The following LRSAM1 variants were observed in gnomAD, a reference collection of about 807,000 sequenced individuals.
LRSAM1 encodes the protein leucine rich repeat and sterile alpha motif containing 1.
A neutral mutation model predicts 118.1 loss-of-function variants in LRSAM1; 96 were observed. The ratio of observed to expected loss-of-function variants is 0.81; its 90% CI spans 0.69 to 0.96. The LOEUF is 0.96. LRSAM1 is among the 40% of genes least tolerant of loss of function. The pLI, the probability that LRSAM1 is intolerant of heterozygous loss-of-function variation, is 0.00. For synonymous variants in LRSAM1, 322 were observed against 364.2 expected, an observed-to-expected ratio of 0.88 and a Z score of 1.32; for missense variants, 804 against 915.5, an observed-to-expected ratio of 0.88 and a Z score of 1.57.
At chr9:127,464,153 A>G (rs1356677472) in intron 9 of LRSAM1, among the ~76,000 whole-genome samples, 1 of 152,162 alleles carries the variant, frequency 6.6e-6, no homozygotes, top group Non-Finnish European at 1.5e-5. Flanking sequence ...TCTGTGTCAG[A>G]GTGGGTGGGT....
At position 127,501,054 on chromosome 9, in the gene LRSAM1, C is replaced by T; in HGVS notation, c.1957C>T (p.Gln653Ter). The T allele has an allele frequency of 1.2e-6, 2 of 1,614,060 alleles. No homozygotes were observed. The highest frequency in any genetic ancestry group is 1.7e-6 in the Non-Finnish European group (2 of 1,180,028). ...TGAGGTCGTCACCCCTACGGCCCCC[C>T]AGGAGCCTCCTGAGTCTGTGAGGCC... Reference protein sequence around the residue: ...MGEVVTPTAPQEPPESVRPSA... With the variant: ...MGEVVTPTAP Residue 653 changes from glutamine (Q) to a stop codon, truncating the protein, a stop_gained, in exon 25 of 26, where the codon CAG becomes TAG. Transcript: ENST00000300417. LOFTEE classifies it high-confidence loss of function.
At position 127,495,971 on chromosome 9, in the gene LRSAM1, G is replaced by A. The variant is rs1382849517; in HGVS notation, c.1706G>A (p.Gly569Glu). The A allele has an allele frequency of 6.2e-7, 1 of 1,612,844 alleles. No homozygotes were observed. The highest frequency in any genetic ancestry group is 8.5e-7 in the Non-Finnish European group (1 of 1,179,954). The change falls in exon 23 of 26, where the codon GGG (glycine) becomes GAG (glutamate). Residue 569 changes from glycine (G) to glutamate (E), a missense_variant. Transcript: ENST00000300417. Reference sequence around the variant, plus strand: ...CACGTTTCTGTCTTGCAGGAAGAGGGGATGGAGCGCCAGCTGGTGGCCCTC... The same window carrying A: ...CACGTTTCTGTCTTGCAGGAAGAGGAGATGGAGCGCCAGCTGGTGGCCCTC... ...KPLSLKLQEE[G>E]MERQLVALLE...
chr9:127,502,066 T>C (rs1259879293), intron 25 of LRSAM1, among the ~76,000 whole-genome samples: 1 of 152,178 alleles, frequency 6.6e-6, no homozygotes, highest in African/African-American at 2.4e-5. Flanking sequence ...GTTGGGATTG[T>C]TTGTAGACTG....
intron 10 of LRSAM1, among the ~76,000 whole-genome samples, chr9:127,472,209 C>A (rs986595788): frequency 6.6e-6 from 1 of 151,882 alleles, no homozygotes; most frequent in Non-Finnish European, 1.5e-5. Flanking sequence ...ATCCACCCGC[C>A]TCAGCCTCCC....
At chr9:127,498,217 C>T (rs1247683423) in intron 24 of LRSAM1, among the ~76,000 whole-genome samples, 1 of 152,186 alleles carries the variant, frequency 6.6e-6, no homozygotes, top group Non-Finnish European at 1.5e-5. Flanking sequence ...GACTGCAGCC[C>T]CAGGATAGCT....
At chr9:127,455,144 CT>C in intron 4 of LRSAM1, 90 bp downstream of exon 4, 1 of 1,304,238 alleles carries the variant, frequency 7.7e-7, no homozygotes, top group Non-Finnish European at 1.1e-6. Context: ...TGGACTGGGG[CT>C]TTAGAAAGGC....
intron 5 of LRSAM1, among the ~76,000 whole-genome samples, chr9:127,456,039 G>A (rs548956595): frequency 2.6e-5 from 4 of 151,964 alleles, no homozygotes; most frequent in East Asian, 1.9e-4. Context: ...AGAAACTCAC[G>A]CCTTTTATTC....
intron 20 of LRSAM1, 135 bp from the exon 21 acceptor site, chr9:127,492,667 G>A (rs541604436): frequency 1.3e-6 from 1 of 784,496 alleles, no homozygotes; most frequent in Non-Finnish European, 2.2e-6. Context: ...TCTTAGCTTT[G>A]TCCCCCAACG....
At chr9:127,456,234 GTT>G (rs757438041) in intron 5 of LRSAM1, among the ~76,000 whole-genome samples, 7 of 132,266 alleles carry the variant, frequency 5.3e-5, no homozygotes, top group Admixed American at 7.6e-5. Flanking sequence ...AGTTTTGTTT[GTT>G]TTTTTTTTTT....
intron 14 of LRSAM1, among the ~76,000 whole-genome samples, 174 bp downstream of exon 14, chr9:127,480,152 C>T (rs1588121388): frequency 6.6e-6 from 1 of 152,140 alleles, no homozygotes; most frequent in Admixed American, 6.6e-5. Context: ...AGAATCTGAC[C>T]CAGTCATTAC....
At chr9:127,469,940 G>A (rs577083541) in intron 10 of LRSAM1, among the ~76,000 whole-genome samples, 1 of 152,136 alleles carries the variant, frequency 6.6e-6, no homozygotes, top group Non-Finnish European at 1.5e-5. Flanking sequence ...ACTCCAGCCT[G>A]GGATACAGAG....
At chr9:127,479,042 T>A in intron 12 of LRSAM1, 79 bp downstream of exon 12, 2 of 1,471,956 alleles carry the variant, frequency 1.4e-6, no homozygotes, top group Non-Finnish European at 1.9e-6. Flanking sequence ...TTTGAGAAAA[T>A]GACTTCTTCC....
At chr9:127,495,050 CAA>C (rs1836074178) in intron 21 of LRSAM1, among the ~76,000 whole-genome samples, 1 of 152,202 alleles carries the variant, frequency 6.6e-6, no homozygotes, top group African/African-American at 2.4e-5. Context: ...CTCCCGGGCT[CAA>C]GAGATTCTCC....
intron 8 of LRSAM1, 68 bp from the exon 9 acceptor site, chr9:127,462,184 C>CG: frequency 6.2e-7 from 1 of 1,606,048 alleles, no homozygotes; most frequent in South Asian, 1.1e-5. Context: ...TGGCTCCCAG[C>CG]GGGCATCAGG....
rs750206018 is a variant in LRSAM1, at chr9:127,465,462, G to A, written c.529-2278G>A. On this transcript the variant is annotated intron_variant, in intron 9 of 25. Transcript: ENST00000300417. This position sits in a 1 kb window ranked among gnomAD's most constrained non-coding sequence, Gnocchi z 4.1. ...AGCATCCTGGTATAGCCCACAGTCC[G>A]TGCCCTTAAGCCACCACGCTTTACT... 8.5e-5 allele frequency among the ~76,000 whole-genome samples: 13 copies of A among 152,224 alleles called. No individual in the cohort carries two copies. Among genetic ancestry groups the A allele is most frequent in the Non-Finnish European group, 7.3e-5 (5 of 68,036 alleles).
chr9:127,494,492 G>A (rs1291056547), intron 21 of LRSAM1, among the ~76,000 whole-genome samples: 6 of 152,220 alleles, frequency 3.9e-5, no homozygotes, highest in Non-Finnish European at 8.8e-5. Flanking sequence ...ATTAATGATG[G>A]CATCGTTAGG....
intron 19 of LRSAM1, among the ~76,000 whole-genome samples, chr9:127,490,074 C>G (rs535667952): frequency 7.4e-6 from 1 of 135,630 alleles, no homozygotes; most frequent in African/African-American, 2.7e-5. Flanking sequence ...CCCCGCAGGC[C>G]GGCTGCTGAC....
chr9:127,486,715 G>T (rs1461288577), intron 17 of LRSAM1: 1 of 152,162 alleles, frequency 6.6e-6, no homozygotes, highest in Non-Finnish European at 1.5e-5. Context: ...TTCCTTCTTT[G>T]GGCTTCAAAT....
At chr9:127,491,352 C>A in intron 20 of LRSAM1, 57 bp downstream of exon 20, 2 of 1,399,116 alleles carry the variant, frequency 1.4e-6, no homozygotes, top group Non-Finnish European at 2.0e-6. Flanking sequence ...CCACCTGGTG[C>A]TCCCTCCCAG....
Sources: gnomAD v4.1 joint callset for allele counts (sites outside exome capture counted in the v4.1 genomes callset) on GRCh38, gnomAD v4.1.1 for gene constraint, Gnocchi (gnomAD v3.1) non-coding constraint, MANE v1.5 for transcripts, NCBI Gene and HGNC (gene_info 2026-07-23, HGNC 2026-07-21) for gene names.